UNC13C: variants seen among roughly 807,000 people sequenced by gnomAD.
The protein encoded by UNC13C is unc-13 homolog C, also known as protein unc-13 homolog C.
UNC13C carries 174 observed loss-of-function variants against 245.4 expected under a neutral mutation model. That is an observed-to-expected ratio of 0.71 (90% CI 0.63 to 0.80). The LOEUF is 0.80. Ranked by LOEUF, UNC13C falls within the 30% of genes least tolerant of loss-of-function variation. The probability of loss-of-function intolerance (pLI) is 0.00; values close to 1 mark genes in which losing one functional copy is unlikely to be tolerated. For synonymous variants in UNC13C, 992 were observed against 895.1 expected (o/e 1.11, Z -1.93); for missense variants, 2,829 against 2,602.9 (o/e 1.09, Z -1.89).
intron 30 of UNC13C, among the ~76,000 whole-genome samples, chr15:54,569,191 T>G (rs1897641210): frequency 9.6e-6 from 1 of 104,266 alleles, no homozygotes; most frequent in Non-Finnish European, 1.7e-5. Context: ...AGGTTTACAT[T>G]TATGTGTACA....
At chr15:54,614,525 C>G (rs1900303087) in intron 30 of UNC13C, among the ~76,000 whole-genome samples, 1 of 151,978 alleles carries the variant, frequency 6.6e-6, no homozygotes, top group Admixed American at 6.6e-5. Context: ...CCCAACAGCT[C>G]CGGTCTTAGG....
intron 1 of UNC13C, among the ~76,000 whole-genome samples, chr15:53,990,684 A>G (rs766237830): frequency 2.0e-5 from 3 of 152,136 alleles, no homozygotes; most frequent in South Asian, 2.1e-4. Context: ...CTCTAGAGCC[A>G]TCTTGCCACT....
At chr15:54,038,953 G>T (rs1896701420) in intron 2 of UNC13C, among the ~76,000 whole-genome samples, 1 of 152,048 alleles carries the variant, frequency 6.6e-6, no homozygotes, top group Non-Finnish European at 1.5e-5. Context: ...TTAAAGAATG[G>T]TTGTACTATC....
At chr15:54,137,396 G>T (rs1353462582) in intron 2 of UNC13C, among the ~76,000 whole-genome samples, 1 of 152,106 alleles carries the variant, frequency 6.6e-6, no homozygotes, top group African/African-American at 2.4e-5. Flanking sequence ...TCAATTTTTT[G>T]AAGAGTTTGA....
chr15:54,466,263 G>T (rs774507031), intron 19 of UNC13C, among the ~76,000 whole-genome samples: 17 of 152,062 alleles, frequency 1.1e-4, no homozygotes, highest in Non-Finnish European at 1.9e-4. Context: ...GAGTTTGATA[G>T]CTCAGTGGGG....
intron 19 of UNC13C, among the ~76,000 whole-genome samples, chr15:54,457,892 G>GT (rs34133938): frequency 0.44 from 53,577 of 122,792 alleles, 11,670 homozygotes; most frequent in East Asian, 0.59. Flanking sequence ...TCTGCTTTTC[G>GT]TTTTTTTTTT....
intron 19 of UNC13C, among the ~76,000 whole-genome samples, chr15:54,471,458 G>C (rs1440069581): frequency 6.6e-6 from 1 of 151,298 alleles, no homozygotes; most frequent in East Asian, 1.9e-4. Context: ...TATGACCTTT[G>C]TTTTTATAGT....
chr15:54,014,396 G>A lies in UNC13C; in HGVS notation c.1493G>A (p.Ser498Asn). The A allele has an allele frequency of 1.2e-6, 2 of 1,613,808 alleles. No individual in the cohort carries two copies. Among genetic ancestry groups the A allele is most frequent in the East Asian group, 4.5e-5 (2 of 44,866 alleles). The change falls in exon 2 of 33, where the codon AGC (serine) becomes AAC (asparagine). Residue 498 changes from serine (S) to asparagine (N), a missense_variant. Physicochemically the swap from Ser to Asn is conservative, Grantham distance 46. Coordinates refer to ENST00000260323, the MANE Select transcript of UNC13C (RefSeq NM_001080534.3). ...SARSKNKTAN[S>N]SRISNKSDYD... ...AGATCCAAGAATAAAACTGCTAATAGCAGCAGAATTTCAAATAAATCAGAT... is the reference window on the plus strand; with the variant it reads ...AGATCCAAGAATAAAACTGCTAATAACAGCAGAATTTCAAATAAATCAGAT...
intron 7 of UNC13C, among the ~76,000 whole-genome samples, chr15:54,242,643 C>T (rs1297482934): frequency 6.6e-6 from 1 of 152,006 alleles, no homozygotes; most frequent in Non-Finnish European, 1.5e-5. Flanking sequence ...TGTTTTCACT[C>T]TGAAACTACT....
intron 30 of UNC13C, among the ~76,000 whole-genome samples, chr15:54,579,604 A>C (rs1566920892): frequency 6.6e-6 from 1 of 151,954 alleles, no homozygotes; most frequent in Non-Finnish European, 1.5e-5. Flanking sequence ...AAAAATACAA[A>C]AAAAATTAGC....
Position 54,015,105 on chromosome 15 carries a change from G to T in UNC13C, c.2202G>T (p.Trp734Cys), listed in dbSNP as rs1174415893. ...TGGATAATGAACCACAAGGCCAGTG[G>T]GTTGGCCAATATGATTCTTATCAGG... is the stretch of plus-strand genomic sequence containing the variant. ...PGLDNEPQGQ[W>C]VGQYDSYQGA... Residue 734 changes from tryptophan (W) to cysteine (C), a missense_variant, in exon 2 of 33, where the codon TGG (tryptophan) becomes TGT (cysteine). Coordinates refer to ENST00000260323, the MANE Select transcript of UNC13C (RefSeq NM_001080534.3). The T allele has an allele frequency of 2.5e-6, 4 of 1,612,618 alleles. No homozygotes were observed. The highest frequency in any genetic ancestry group is 3.4e-6 in the Non-Finnish European group (4 of 1,179,386).
At chr15:54,099,698 G>A (rs546643860) in intron 2 of UNC13C, among the ~76,000 whole-genome samples, 1 of 152,068 alleles carries the variant, frequency 6.6e-6, no homozygotes, top group African/African-American at 2.4e-5. Context: ...AAAATCTCTT[G>A]CACTTCATCT....
At chr15:54,281,599 A>G (rs2036999132) in intron 10 of UNC13C, among the ~76,000 whole-genome samples, 1 of 152,086 alleles carries the variant, frequency 6.6e-6, no homozygotes, top group African/African-American at 2.4e-5. Flanking sequence ...AAAACCACCA[A>G]CTCTCAGTCA....
chr15:54,090,658 A>G (rs1595840360), intron 2 of UNC13C, among the ~76,000 whole-genome samples: 1 of 152,306 alleles, frequency 6.6e-6, no homozygotes, highest in East Asian at 1.9e-4. Flanking sequence ...TAATATTTCA[A>G]AATATCTGAA....
chr15:53,854,122 G>GTTTTTTTTTTTTTTT, the UNC13C span, among the ~76,000 whole-genome samples: 3 of 133,566 alleles, frequency 2.2e-5, no homozygotes, highest in Admixed American at 7.7e-5. Context: ...GTTTTTATAG[G>GTTTTTTTTTTTTTTT]TTTTTTTTTT....
At chr15:54,408,434 A>G (rs1004465811) in intron 18 of UNC13C, among the ~76,000 whole-genome samples, 2 of 152,060 alleles carry the variant, frequency 1.3e-5, no homozygotes, top group Non-Finnish European at 2.9e-5. Context: ...CCTGACCACC[A>G]ATTTTTGAAT....
At chr15:53,935,342 A>T in the UNC13C span, among the ~76,000 whole-genome samples, 27 of 152,144 alleles carry the variant, frequency 1.8e-4, no homozygotes, top group South Asian at 5.2e-3. Flanking sequence ...ATTTTAAATG[A>T]CTTTTCTTTG....
intron 4 of UNC13C, among the ~76,000 whole-genome samples, chr15:54,163,778 GA>G (rs1396780951): frequency 6.6e-6 from 1 of 152,112 alleles, no homozygotes; most frequent in African/African-American, 2.4e-5. Context: ...ATCATGAGTT[GA>G]AGAATAATTT....
intron 19 of UNC13C, among the ~76,000 whole-genome samples, chr15:54,443,667 A>G (rs1346665315): frequency 1.3e-5 from 2 of 152,034 alleles, no homozygotes; most frequent in African/African-American, 2.4e-5. Context: ...TGACCCAATG[A>G]TCATTCAGGA....
Sources: gnomAD v4.1 joint callset for allele counts (sites outside exome capture counted in the v4.1 genomes callset) on GRCh38, gnomAD v4.1.1 for gene constraint, MANE v1.5 for transcripts, NCBI Gene and HGNC (gene_info 2026-07-23, HGNC 2026-07-21) for gene names.